Variants in ANO3 observed in about 807,000 individuals in gnomAD.
ANO3 encodes the protein anoctamin-3.
Under a neutral mutation model 144.8 loss-of-function variants are expected in ANO3, and 99 were observed. The ratio of observed to expected loss-of-function variants is 0.68; its 90% CI spans 0.58 to 0.81. The LOEUF (loss-of-function observed/expected upper bound fraction) is 0.81, where lower values mean the gene tolerates loss of function less well. Among genes scored for constraint, ANO3 ranks in the 30% least tolerant of loss-of-function variants. ANO3 has a pLI of 0.00. For missense variants in ANO3, 905 were observed against 1,202.2 expected (o/e 0.75, Z 3.66); for synonymous variants, 414 against 392.6 (o/e 1.05, Z -0.64).
chr11:26,567,472 A>C (rs910313947), intron 14 of ANO3, among the ~76,000 whole-genome samples: 1 of 151,862 alleles, frequency 6.6e-6, no homozygotes, highest in African/African-American at 2.4e-5. Context: ...AGAGCTTCTA[A>C]ACACTCCCAC....
intron 1 of ANO3, among the ~76,000 whole-genome samples, chr11:26,267,548 C>T (rs1252273936): frequency 6.6e-6 from 1 of 152,146 alleles, no homozygotes; most frequent in Admixed American, 6.6e-5. Flanking sequence ...TTCCTTTGCT[C>T]TTATTTTTAT....
chr11:26,573,065 G>C (rs1238452779), intron 14 of ANO3, among the ~76,000 whole-genome samples: 3 of 152,154 alleles, frequency 2.0e-5, no homozygotes, highest in Admixed American at 2.0e-4. Flanking sequence ...ATCAGCGTTT[G>C]GGGATGGCGC....
chr11:26,610,204 C>A (rs1264764176), intron 17 of ANO3, among the ~76,000 whole-genome samples: 2 of 152,180 alleles, frequency 1.3e-5, no homozygotes, highest in Non-Finnish European at 2.9e-5. Context: ...AGCCACCGCT[C>A]CCGGCCTACT....
At chr11:26,520,292 A>T (rs186521820) in intron 6 of ANO3, among the ~76,000 whole-genome samples, 181 of 152,252 alleles carry the variant, frequency 1.2e-3, no homozygotes, top group African/African-American at 4.2e-3. Context: ...GATCATTTTT[A>T]AAAAAACTAT....
chr11:26,242,712 G>A (rs1852688168), intron 1 of ANO3, among the ~76,000 whole-genome samples: 1 of 152,152 alleles, frequency 6.6e-6, no homozygotes, highest in Non-Finnish European at 1.5e-5. Flanking sequence ...AGCTTACCAA[G>A]TAGCAAGTTA....
chr11:26,441,110 T>TG (rs1858495049), intron 1 of ANO3, among the ~76,000 whole-genome samples: 1 of 101,500 alleles, frequency 9.9e-6, no homozygotes, highest in Non-Finnish European at 2.1e-5. Context: ...TGCCCAGTTT[T>TG]TTTTTTTTTT....
At chr11:26,517,758 A>G (rs559696214) in intron 6 of ANO3, among the ~76,000 whole-genome samples, 2 of 152,188 alleles carry the variant, frequency 1.3e-5, no homozygotes, top group East Asian at 3.9e-4. Flanking sequence ...AGCATAAAAG[A>G]GTCCAACTCT....
intron 1 of ANO3, among the ~76,000 whole-genome samples, chr11:26,408,216 A>C (rs866394456): frequency 4.8e-4 from 73 of 152,126 alleles, no homozygotes; most frequent in African/African-American, 1.6e-3. Context: ...AATTTTTGCA[A>C]CCTACTCATC....
At chr11:26,203,720 T>C (rs962201413) in intron 1 of ANO3, among the ~76,000 whole-genome samples, 2 of 152,144 alleles carry the variant, frequency 1.3e-5, no homozygotes, top group Non-Finnish European at 2.9e-5. Flanking sequence ...TTTAGGAAAC[T>C]GAAGGTCAGA....
At chr11:26,597,075 G>A (rs986206977) in intron 14 of ANO3, among the ~76,000 whole-genome samples, 3 of 152,108 alleles carry the variant, frequency 2.0e-5, no homozygotes, top group African/African-American at 7.3e-5. Flanking sequence ...TTCTAAGGAA[G>A]GATAGGACAG....
chr11:26,261,156 A>C (rs1853179614), intron 1 of ANO3, among the ~76,000 whole-genome samples: 1 of 152,212 alleles, frequency 6.6e-6, no homozygotes, highest in Admixed American at 6.5e-5. Flanking sequence ...ACAACATATT[A>C]AACTAGAACT....
intron 1 of ANO3, among the ~76,000 whole-genome samples, chr11:26,384,845 G>A (rs1003065651): frequency 2.0e-5 from 3 of 152,156 alleles, no homozygotes; most frequent in Non-Finnish European, 4.4e-5. Context: ...AACTGGACAA[G>A]CCTAATTCTG....
chr11:26,632,415 C>G (rs950755278), intron 18 of ANO3, among the ~76,000 whole-genome samples: 1 of 150,910 alleles, frequency 6.6e-6, no homozygotes, highest in Non-Finnish European at 1.5e-5. Flanking sequence ...ACTCAGGAGG[C>G]TGAGGCAGAA....
At chr11:26,215,052 C>T (rs115449135) in intron 1 of ANO3, among the ~76,000 whole-genome samples, 2 of 151,944 alleles carry the variant, frequency 1.3e-5, no homozygotes, top group South Asian at 4.1e-4. Flanking sequence ...AAGGTACGTA[C>T]TATCAACATG....
At chr11:26,438,609 GA>G (rs1222012718) in intron 1 of ANO3, among the ~76,000 whole-genome samples, 1,939 of 73,228 alleles carry the variant, frequency 0.026, 67 homozygotes, top group African/African-American at 0.047. Flanking sequence ...AAAAAAAAAA[GA>G]AAAAAAAAAA....
intron 4 of ANO3, among the ~76,000 whole-genome samples, chr11:26,466,292 T>C (rs1469612380): frequency 6.6e-6 from 1 of 152,004 alleles, no homozygotes; most frequent in African/African-American, 2.4e-5. Flanking sequence ...CCTCAAGCTT[T>C]ACAATAGGAG....
intron 1 of ANO3, among the ~76,000 whole-genome samples, chr11:26,303,536 G>C (rs564896153): frequency 4.6e-5 from 7 of 152,120 alleles, no homozygotes; most frequent in African/African-American, 1.7e-4. Context: ...AGACACTGGG[G>C]ACTATTAAGA....
At chr11:26,550,197 GAAAT>G (rs1027053593) in intron 12 of ANO3, among the ~76,000 whole-genome samples, 5 of 150,038 alleles carry the variant, frequency 3.3e-5, no homozygotes, top group African/African-American at 5.0e-5. Flanking sequence ...AATTATTACA[GAAAT>G]AAATTAACAC....
chr11:26,250,575 T>C (rs1852905310), intron 1 of ANO3, among the ~76,000 whole-genome samples: 1 of 152,230 alleles, frequency 6.6e-6, no homozygotes, highest in African/African-American at 2.4e-5. Context: ...GCTTCTATGT[T>C]GAAGCACTTT....
Sources: gnomAD v4.1 joint callset for allele counts (sites outside exome capture counted in the v4.1 genomes callset) on GRCh38, gnomAD v4.1.1 for gene constraint, MANE v1.5 for transcripts, NCBI Gene and HGNC (gene_info 2026-07-23, HGNC 2026-07-21) for gene names.